FGF14: variants seen among roughly 807,000 people sequenced by gnomAD.
FGF14 encodes fibroblast growth factor 14.
A neutral mutation model predicts 25.5 loss-of-function variants in FGF14; 5 were observed. The observed-to-expected ratio is 0.20, with a 90% confidence interval of 0.10 to 0.41. FGF14 has a LOEUF of 0.41. Ranked by LOEUF, FGF14 falls within the 10% of genes least tolerant of loss-of-function variation. The pLI is 1.00. For synonymous variants in FGF14, 138 were observed against 118.3 expected, an observed-to-expected ratio of 1.17 and a Z score of -1.08; for missense variants, 222 against 320.1, an observed-to-expected ratio of 0.69 and a Z score of 2.34.
rs556671274 is a variant in FGF14, at chr13:101,798,382, C to T, written c.408+70343G>A. ...AAAACTGGCTGGGTCTTTATCTCAG[C>T]CTCTGAGCTGAAAACTATCTTAACG... On this transcript the variant is annotated intron_variant, in intron 3 of 4. Coordinates refer to ENST00000376143, the MANE Select transcript of FGF14 (RefSeq NM_004115.4). Among the ~76,000 whole-genome samples, 61 of 152,188 alleles carry T rather than the reference C, an allele frequency of 4.0e-4. 1 individual carries two copies. The highest frequency in any genetic ancestry group is 6.8e-3 in the Middle Eastern group (2 of 294).
At chr13:102,335,985 C>T (rs1010836651) in intron 1 of FGF14, among the ~76,000 whole-genome samples, 3 of 152,064 alleles carry the variant, frequency 2.0e-5, no homozygotes, top group African/African-American at 7.2e-5. Flanking sequence ...TTGGCTGTTC[C>T]CCCATCTCTT....
intron 3 of FGF14, among the ~76,000 whole-genome samples, chr13:101,823,046 T>A (rs1446201402): frequency 6.6e-6 from 1 of 152,184 alleles, no homozygotes; most frequent in Non-Finnish European, 1.5e-5. Context: ...TTTCATTCCT[T>A]TTTATGGCTA....
chr13:102,078,430 A>G (rs545767469), intron 1 of FGF14, among the ~76,000 whole-genome samples: 2 of 149,978 alleles, frequency 1.3e-5, no homozygotes, highest in Non-Finnish European at 2.9e-5. Flanking sequence ...AAGTCAAACA[A>G]TACACACAAA....
At chr13:101,981,957 A>T (rs2038294312) in intron 1 of FGF14, among the ~76,000 whole-genome samples, 1 of 152,152 alleles carries the variant, frequency 6.6e-6, no homozygotes, top group South Asian at 2.1e-4. Flanking sequence ...GGGCATTTAC[A>T]CTGCCTATGG....
chr13:101,754,988 C>G (rs550610171), intron 3 of FGF14, among the ~76,000 whole-genome samples: 1 of 151,976 alleles, frequency 6.6e-6, no homozygotes, highest in Non-Finnish European at 1.5e-5. Context: ...AGAACTTATA[C>G]GGCATATCAA....
chr13:101,789,907 T>G (rs1437587815), intron 3 of FGF14, among the ~76,000 whole-genome samples: 3 of 151,670 alleles, frequency 2.0e-5, no homozygotes, highest in Admixed American at 2.0e-4. Flanking sequence ...ATTCATATTA[T>G]TATTAATAAT....
intron 1 of FGF14, among the ~76,000 whole-genome samples, chr13:102,273,177 A>T (rs1245411398): frequency 2.0e-5 from 3 of 152,220 alleles, no homozygotes; most frequent in Admixed American, 6.5e-5. Context: ...CGCTGGACAT[A>T]TGGTGTGGTT....
intron 1 of FGF14, among the ~76,000 whole-genome samples, chr13:102,009,483 C>T (rs1480865906): frequency 1.3e-5 from 2 of 152,004 alleles, no homozygotes; most frequent in South Asian, 4.1e-4. Context: ...GATATCTATA[C>T]ACATGTTCTA....
chr13:102,028,703 TG>T (rs202170231), intron 1 of FGF14, among the ~76,000 whole-genome samples: 133 of 152,014 alleles, frequency 8.7e-4, no homozygotes, highest in African/African-American at 3.0e-3. Flanking sequence ...TCAGGGAATA[TG>T]GGGTTTTTTT....
chr13:102,081,815 G>A (rs888527259), intron 1 of FGF14, among the ~76,000 whole-genome samples: 10 of 152,056 alleles, frequency 6.6e-5, no homozygotes, highest in Admixed American at 2.6e-4. Flanking sequence ...TTATGCAGAC[G>A]TCTATATTAA....
intron 1 of FGF14, among the ~76,000 whole-genome samples, chr13:102,215,119 CTT>C (rs1205193408): frequency 6.6e-6 from 1 of 152,210 alleles, no homozygotes; most frequent in African/African-American, 2.4e-5. Context: ...CAATTTACCT[CTT>C]CTTTTGGTTC....
chr13:102,070,099 A>C (rs2043093452), intron 1 of FGF14, among the ~76,000 whole-genome samples: 1 of 152,230 alleles, frequency 6.6e-6, no homozygotes, highest in Non-Finnish European at 1.5e-5. Context: ...GAGACAACCC[A>C]CAGAATAGGA....
At chr13:102,198,568 C>T (rs1328782504) in intron 1 of FGF14, among the ~76,000 whole-genome samples, 2 of 152,228 alleles carry the variant, frequency 1.3e-5, no homozygotes, top group South Asian at 2.1e-4. Flanking sequence ...GAAAATTGAA[C>T]GGAGCGTCCC....
At chr13:102,228,176 G>A (rs897177802) in intron 1 of FGF14, among the ~76,000 whole-genome samples, 27 of 152,246 alleles carry the variant, frequency 1.8e-4, no homozygotes, top group African/African-American at 6.0e-4. Flanking sequence ...CAAAATGAAC[G>A]ATGTTAACTT....
At chr13:101,727,875 A>G (rs1482547696) in intron 3 of FGF14, among the ~76,000 whole-genome samples, 1 of 152,094 alleles carries the variant, frequency 6.6e-6, no homozygotes, top group Non-Finnish European at 1.5e-5. Flanking sequence ...ACTGTCCTTG[A>G]TCTTTTTGAA....
At chr13:102,118,548 T>G (rs560283488) in intron 1 of FGF14, among the ~76,000 whole-genome samples, 2 of 152,094 alleles carry the variant, frequency 1.3e-5, no homozygotes, top group East Asian at 3.9e-4. Context: ...CTGAGACATA[T>G]TGTGCCAGAA....
At chr13:101,759,163 T>C (rs770392530) in intron 3 of FGF14, among the ~76,000 whole-genome samples, 14 of 151,980 alleles carry the variant, frequency 9.2e-5, no homozygotes, top group Non-Finnish European at 1.6e-4. Flanking sequence ...ACAAGACAGG[T>C]GAGAGGTAAG....
chr13:101,825,465 G>A (rs936687168), intron 3 of FGF14, among the ~76,000 whole-genome samples: 2 of 152,128 alleles, frequency 1.3e-5, no homozygotes, highest in African/African-American at 4.8e-5. Context: ...AGGGCTATAA[G>A]AAAATACCAT....
intron 1 of FGF14, among the ~76,000 whole-genome samples, chr13:102,357,823 G>T (rs2057460605): frequency 6.6e-6 from 1 of 152,114 alleles, no homozygotes; most frequent in Admixed American, 6.6e-5. Flanking sequence ...AATGTCTCAA[G>T]AATAGCCACA....
Sources: allele counts gnomAD v4.1 joint callset (sites outside exome capture counted in the v4.1 genomes callset), GRCh38; gene constraint gnomAD v4.1.1; transcripts MANE v1.5; gene names NCBI Gene and HGNC (gene_info 2026-07-23, HGNC 2026-07-21).